The following PRICKLE2 variants were observed in gnomAD, a reference collection of about 807,000 sequenced individuals.
PRICKLE2 encodes prickle-like protein 2.
PRICKLE2 carries 21 observed loss-of-function variants against 81.4 expected under a neutral mutation model. That is an observed-to-expected ratio of 0.26 (90% confidence interval 0.18 to 0.37). PRICKLE2 has a LOEUF of 0.37. PRICKLE2 is among the 10% of genes least tolerant of loss of function. The probability of loss-of-function intolerance (pLI) is 1.00; values close to 1 mark genes in which losing one functional copy is unlikely to be tolerated. For synonymous variants in PRICKLE2, 456 were observed against 421.5 expected, an observed-to-expected ratio of 1.08 and a Z score of -1.00; for missense variants, 940 against 1,109.0, an observed-to-expected ratio of 0.85 and a Z score of 2.16.
chr3:64,244,793 T>G (rs1169634076), intron 2 of PRICKLE2, among the ~76,000 whole-genome samples: 1 of 152,146 alleles, frequency 6.6e-6, no homozygotes, highest in Non-Finnish European at 1.5e-5. Flanking sequence ...TTGGGTCAAG[T>G]GGCTCATGGC....
chr3:64,238,267 C>T (rs776458603), intron 2 of PRICKLE2, among the ~76,000 whole-genome samples: 11 of 152,120 alleles, frequency 7.2e-5, no homozygotes, highest in African/African-American at 2.4e-4. Flanking sequence ...CAGGCAGGTA[C>T]GAACGAGGTC....
At position 64,094,125 on chromosome 3, in the gene PRICKLE2, A is replaced by C. The variant is rs554830210; in HGVS notation, c.*4926T>G. 2.0e-5 allele frequency: 3 copies of C among 152,534 alleles called. No individual in the cohort carries two copies. The highest frequency in any genetic ancestry group is 7.2e-5 in the African/African-American group (3 of 41,554). The allele number at this position is 152,534 out of a possible 1,614,324, so 9.4% of individuals were successfully genotyped here. A position where few individuals can be genotyped will look rare whatever the true frequency, so the allele number is the denominator to read the frequency against. Reference sequence around the variant, plus strand: ...CTTGAAATGAAAGCAGGAGATGGACAAAGCAATCCTGTGGAGGAAAGAATG... The same window carrying C: ...CTTGAAATGAAAGCAGGAGATGGACCAAGCAATCCTGTGGAGGAAAGAATG... On this transcript the variant is annotated 3_prime_UTR_variant, in exon 8 of 8. Transcript: ENST00000638394.
Position 64,120,554 on chromosome 3 carries a change from C to T in PRICKLE2, c.1661-20629G>A, listed in dbSNP as rs73122854. 4.4e-3 allele frequency among the ~76,000 whole-genome samples: 676 copies of T among 152,182 alleles called. 2 individuals carry two copies. Among genetic ancestry groups the T allele is most frequent in the Non-Finnish European group, 6.5e-3 (440 of 68,006 alleles). On this transcript the variant is annotated intron_variant, in intron 7 of 7. Coordinates refer to ENST00000638394, the MANE Select transcript of PRICKLE2 (RefSeq NM_198859.4). ...TCTCAAGCTTCAGAAGCATGCAAGT[C>T]GCCCAGGGATCTTCTTAAAATGAAA...
intron 1 of PRICKLE2, among the ~76,000 whole-genome samples, chr3:64,217,762 T>G (rs1020057056): frequency 1.3e-5 from 2 of 152,160 alleles, no homozygotes; most frequent in Admixed American, 1.3e-4. Flanking sequence ...CGATTATTTG[T>G]GAGGTCTGAA....
chr3:64,241,191 G>A (rs1243647038), intron 2 of PRICKLE2, among the ~76,000 whole-genome samples: 2 of 152,190 alleles, frequency 1.3e-5, no homozygotes, highest in African/African-American at 2.4e-5. Context: ...CCTACAAGTT[G>A]TAGTTTCCCA....
intron 2 of PRICKLE2, among the ~76,000 whole-genome samples, chr3:64,193,018 G>T (rs1485260412): frequency 4.6e-5 from 7 of 152,088 alleles, no homozygotes; most frequent in African/African-American, 1.2e-4. Context: ...CCACCCACAA[G>T]ACATACCAGT....
chr3:64,228,017 A>G (rs1559592819), upstream of PRICKLE2, among the ~76,000 whole-genome samples: 1 of 152,214 alleles, frequency 6.6e-6, no homozygotes, highest in Admixed American at 6.5e-5. Flanking sequence ...TTGAACTGCT[A>G]TGAATCTAGG....
intron 2 of PRICKLE2, among the ~76,000 whole-genome samples, chr3:64,240,092 C>T (rs1266389238): frequency 6.6e-6 from 1 of 152,158 alleles, no homozygotes; most frequent in Non-Finnish European, 1.5e-5. Flanking sequence ...CACGGCACTC[C>T]AGCCTGTGCG....
At chr3:64,195,968 C>T (rs769451438) in intron 2 of PRICKLE2, among the ~76,000 whole-genome samples, 1 of 152,136 alleles carries the variant, frequency 6.6e-6, no homozygotes, top group Admixed American at 6.5e-5. Context: ...ATAGGACTAC[C>T]CTTTCATTTG....
intron 7 of PRICKLE2, among the ~76,000 whole-genome samples, chr3:64,121,905 C>A (rs1334716457): frequency 1.3e-5 from 2 of 152,190 alleles, no homozygotes; most frequent in African/African-American, 4.8e-5. Context: ...GAATAAATCA[C>A]TTCTCTCCTC....
intron 2 of PRICKLE2, among the ~76,000 whole-genome samples, chr3:64,170,776 G>A (rs1333447611): frequency 6.6e-6 from 1 of 151,504 alleles, no homozygotes; most frequent in African/African-American, 2.4e-5. Flanking sequence ...TCTGGAGGCT[G>A]AGCTGGGAGG....
chr3:64,178,987 CTTTCTTTCTTTCTT>C (rs1236372802), intron 2 of PRICKLE2, among the ~76,000 whole-genome samples: 2 of 142,484 alleles, frequency 1.4e-5, no homozygotes, highest in Non-Finnish European at 3.0e-5. Flanking sequence ...TTCTTTCTTT[CTTTCTTTCTTTCTT>C]TCTTTCTTTC....
intron 2 of PRICKLE2, among the ~76,000 whole-genome samples, chr3:64,180,133 A>T (rs889100663): frequency 1.3e-5 from 2 of 152,204 alleles, no homozygotes; most frequent in Non-Finnish European, 2.9e-5. Context: ...TTATGTGCGT[A>T]TGTTATATAA....
At chr3:64,258,760 C>G (rs1270939593) in intron 2 of PRICKLE2, among the ~76,000 whole-genome samples, 18 of 138,254 alleles carry the variant, frequency 1.3e-4, no homozygotes, top group Admixed American at 7.0e-4. Flanking sequence ...GGAGGCAGAG[C>G]TTGCAGTGAG....
intron 2 of PRICKLE2, among the ~76,000 whole-genome samples, chr3:64,266,602 G>A (rs1252911977): frequency 1.3e-5 from 2 of 152,114 alleles, no homozygotes; most frequent in South Asian, 2.1e-4. Context: ...TATCTGAATT[G>A]CCCAACAGGC....
At chr3:64,153,907 C>T (rs1330072328) in intron 5 of PRICKLE2, 1 of 156,102 alleles carries the variant, frequency 6.4e-6, no homozygotes, top group Non-Finnish European at 1.4e-5. Flanking sequence ...TTCCCTATTG[C>T]CTTAAAATAA....
intron 7 of PRICKLE2, among the ~76,000 whole-genome samples, chr3:64,114,275 C>A (rs1393837124): frequency 2.0e-5 from 3 of 151,916 alleles, no homozygotes; most frequent in Admixed American, 1.3e-4. Context: ...GAGAAAGAAT[C>A]AGGGCAAGAA....
intron 1 of PRICKLE2, among the ~76,000 whole-genome samples, chr3:64,219,545 A>G (rs992812344): frequency 4.3e-4 from 66 of 152,238 alleles, no homozygotes; most frequent in African/African-American, 1.4e-3. Flanking sequence ...GCAATCTCAC[A>G]CTTTCATTCC....
At chr3:64,100,530 ACT>A (rs2076642433) in intron 7 of PRICKLE2, 1 of 153,868 alleles carries the variant, frequency 6.5e-6, no homozygotes, top group Non-Finnish European at 1.4e-5. Flanking sequence ...AGAAATATTT[ACT>A]CTCTCAGACC....
Sources: gnomAD v4.1 joint callset for allele counts (sites outside exome capture counted in the v4.1 genomes callset) on GRCh38, gnomAD v4.1.1 for gene constraint, MANE v1.5 for transcripts, NCBI Gene and HGNC (gene_info 2026-07-23, HGNC 2026-07-21) for gene names.